The following TEX2 variants were observed in gnomAD, a reference collection of about 807,000 sequenced individuals.
TEX2 encodes testis expressed 2, also known as testis-expressed protein 2.
In TEX2, 53 loss-of-function variants were observed where a neutral mutation model predicts 106.9. The observed-to-expected ratio is 0.50, with a 90% CI of 0.40 to 0.62. TEX2 has a LOEUF of 0.62. Ranked by LOEUF, TEX2 falls within the 20% of genes least tolerant of loss-of-function variation. The pLI is 0.00. For synonymous variants in TEX2, 523 were observed against 534.8 expected (o/e 0.98, Z 0.30); for missense variants, 1,207 against 1,379.0 (o/e 0.88, Z 1.98).
chr17:64,154,631 G>A (rs2030524490), intron 9 of TEX2, among the ~76,000 whole-genome samples: 1 of 152,198 alleles, frequency 6.6e-6, no homozygotes, highest in Non-Finnish European at 1.5e-5. Flanking sequence ...GCAGCAGAAA[G>A]CCATTTTAGT....
chr17:64,258,259 T>C (rs2034222423), intron 1 of TEX2, among the ~76,000 whole-genome samples: 1 of 152,168 alleles, frequency 6.6e-6, no homozygotes. Context: ...TTACCGTGTC[T>C]AATTTATAAA....
In TEX2 at chr17:64,185,149, C is replaced by T. The variant is rs1404020433; in HGVS notation, c.2424+3019G>A. Among the ~76,000 whole-genome samples, 4 of 152,146 alleles carry T rather than the reference C, an allele frequency of 2.6e-5. No individual in the cohort carries two copies. The highest frequency in any genetic ancestry group is 1.3e-4 in the Admixed American group (2 of 15,280). On this transcript the variant is annotated intron_variant, in intron 5 of 11. Transcript: ENST00000584379. This position sits in a 1 kb window ranked among gnomAD's most constrained non-coding sequence, Gnocchi z 4.0. Reference sequence around the variant, plus strand: ...GTTTATAGATATGAGATGATGAGCACGACGAGTAGTAATAAGGACAGGACT... The same window carrying T: ...GTTTATAGATATGAGATGATGAGCATGACGAGTAGTAATAAGGACAGGACT...
intron 6 of TEX2, among the ~76,000 whole-genome samples, chr17:64,174,598 C>T (rs1003290162): frequency 6.6e-6 from 1 of 152,128 alleles, no homozygotes; most frequent in Admixed American, 6.5e-5. Context: ...CAAAGGGTAC[C>T]ACAGTGAGAC....
chr17:64,261,154 A>G (rs1452465530), intron 1 of TEX2, among the ~76,000 whole-genome samples: 1 of 152,214 alleles, frequency 6.6e-6, no homozygotes, highest in Non-Finnish European at 1.5e-5. Flanking sequence ...TCCAGAAAAC[A>G]GAAGCATTTG....
intron 6 of TEX2, among the ~76,000 whole-genome samples, chr17:64,176,797 G>A (rs2031634528): frequency 6.6e-6 from 1 of 152,152 alleles, no homozygotes; most frequent in South Asian, 2.1e-4. Context: ...AGCTTGAGAG[G>A]GAGCACAGCC....
intron 1 of TEX2, among the ~76,000 whole-genome samples, chr17:64,221,915 C>A (rs539128059): frequency 6.6e-6 from 1 of 152,078 alleles, no homozygotes; most frequent in Non-Finnish European, 1.5e-5. Flanking sequence ...TGACTAGTCA[C>A]ATAAAGACAA....
At chr17:64,219,245 C>T (rs551401915) in intron 1 of TEX2, among the ~76,000 whole-genome samples, 2 of 152,242 alleles carry the variant, frequency 1.3e-5, no homozygotes, top group East Asian at 3.9e-4. Context: ...GTGGCTCACG[C>T]CTGTAATCCC....
chr17:64,155,991 G>A (rs1031090615), intron 8 of TEX2: 1 of 152,250 alleles, frequency 6.6e-6, no homozygotes, highest in East Asian at 1.9e-4. Flanking sequence ...TCACCAAGCA[G>A]AGGCTGGTCA....
intron 1 of TEX2, among the ~76,000 whole-genome samples, chr17:64,219,366 C>T (rs1300305312): frequency 6.6e-5 from 10 of 151,984 alleles, no homozygotes; most frequent in East Asian, 1.9e-4. Flanking sequence ...ATCAGCTGGA[C>T]GTGGTGGCGC....
intron 2 of TEX2, among the ~76,000 whole-genome samples, chr17:64,207,353 G>A (rs782259639): frequency 1.3e-5 from 2 of 152,122 alleles, no homozygotes; most frequent in Non-Finnish European, 2.9e-5. Flanking sequence ...AGGGCATAAA[G>A]TATGCGGGAT....
At chr17:64,162,191 TTTACA>T (rs367909028) in intron 7 of TEX2, among the ~76,000 whole-genome samples, 37 of 152,350 alleles carry the variant, frequency 2.4e-4, no homozygotes, top group African/African-American at 8.9e-4. Context: ...GTATTTCTTG[TTTACA>T]TTAAGCAGTT....
intron 7 of TEX2, among the ~76,000 whole-genome samples, chr17:64,168,933 G>GAA (rs2031270437): frequency 7.3e-6 from 1 of 137,718 alleles, no homozygotes. Flanking sequence ...ACAGATTCTC[G>GAA]CTCTGTTGCC....
Position 64,171,212 on chromosome 17 carries a change from A to T in TEX2, c.2572-13T>A. The stretch of plus-strand genomic sequence containing the variant: ...TAAAGTAGGGGAGCTAGAGGAAACA[A>T]GCAAACAATGAGTGAGACCCATGAG... On this transcript the variant is annotated splice_polypyrimidine_tract_variant and intron_variant, in intron 6 of 11. Coordinates refer to ENST00000584379, the MANE Select transcript of TEX2 (RefSeq NM_001288732.2). The T allele has an allele frequency of 1.2e-6, 2 of 1,610,416 alleles. No homozygotes were observed. The highest frequency in any genetic ancestry group is 1.7e-6 in the Non-Finnish European group (2 of 1,176,864).
intron 1 of TEX2, among the ~76,000 whole-genome samples, chr17:64,240,318 G>C (rs1452630124): frequency 6.6e-6 from 1 of 151,824 alleles, no homozygotes; most frequent in Non-Finnish European, 1.5e-5. Context: ...AGGAACCTAA[G>C]ATAACAGCAC....
At chr17:64,214,302 C>T in intron 1 of TEX2, 60 bp from the exon 2 acceptor site, 1 of 1,402,514 alleles carries the variant, frequency 7.1e-7, no homozygotes, top group Non-Finnish European at 9.8e-7. Flanking sequence ...GAGACGCTGT[C>T]ATTCGCAGAT....
chr17:64,224,712 C>T (rs189574138), intron 1 of TEX2, among the ~76,000 whole-genome samples: 2 of 152,244 alleles, frequency 1.3e-5, no homozygotes, highest in Non-Finnish European at 2.9e-5. Flanking sequence ...CCTTCCACCA[C>T]CGCATAGACC....
intron 2 of TEX2, among the ~76,000 whole-genome samples, chr17:64,203,747 A>G (rs1251526954): frequency 6.6e-6 from 1 of 152,180 alleles, no homozygotes; most frequent in Non-Finnish European, 1.5e-5. Flanking sequence ...AAGAACATTA[A>G]AAAAAGAAAA....
chr17:64,174,871 T>A (rs9912301), intron 6 of TEX2, among the ~76,000 whole-genome samples: 108,383 of 152,136 alleles, frequency 0.71, 38,710 homozygotes, highest in East Asian at 0.83. Context: ...TGGGCACCAG[T>A]TGCACACACA....
intron 1 of TEX2, among the ~76,000 whole-genome samples, chr17:64,229,257 A>G (rs2033597832): frequency 6.6e-6 from 1 of 152,238 alleles, no homozygotes; most frequent in Non-Finnish European, 1.5e-5. Flanking sequence ...ACCCTGGTCA[A>G]GACTGAATAT....
Sources: gnomAD v4.1 joint callset for allele counts (sites outside exome capture counted in the v4.1 genomes callset) on GRCh38, gnomAD v4.1.1 for gene constraint, Gnocchi (gnomAD v3.1) non-coding constraint, MANE v1.5 for transcripts, NCBI Gene and HGNC (gene_info 2026-07-23, HGNC 2026-07-21) for gene names.